Variants in NPSR1 observed in about 807,000 individuals in gnomAD.
The protein encoded by NPSR1 is neuropeptide S receptor.
In NPSR1, 48 loss-of-function variants were observed where a neutral mutation model predicts 46.9. That is an observed-to-expected ratio of 1.02 (90% CI 0.81 to 1.30). NPSR1 has a LOEUF of 1.30. Ranked by LOEUF, NPSR1 falls within the 50% of genes most tolerant of loss-of-function variation. The pLI, the probability that NPSR1 is intolerant of heterozygous loss-of-function variation, is 0.00. For missense variants in NPSR1, 450 were observed against 449.5 expected, an observed-to-expected ratio of 1.00 and a Z score of -0.01; for synonymous variants, 176 against 168.1, an observed-to-expected ratio of 1.05 and a Z score of -0.36.
chr7:34,700,200 G>A (rs1048300454), intron 2 of NPSR1, among the ~76,000 whole-genome samples: 2 of 152,118 alleles, frequency 1.3e-5, no homozygotes, highest in South Asian at 2.1e-4. Context: ...CGGATGTAAC[G>A]AGAGCACCAG....
intron 1 of NPSR1, among the ~76,000 whole-genome samples, chr7:34,681,936 C>T (rs577648175): frequency 6.6e-6 from 1 of 152,200 alleles, no homozygotes; most frequent in East Asian, 1.9e-4. Context: ...ACTATCCAAC[C>T]AAAGACACTT....
chr7:34,827,298 C>T (rs1789901324), intron 4 of NPSR1, 103 bp from the exon 5 acceptor site: 2 of 891,832 alleles, frequency 2.2e-6, no homozygotes, highest in African/African-American at 1.6e-5. Flanking sequence ...TCTTTGAGGT[C>T]CAGGGTGGCT....
chr7:34,874,696 G>A (rs776418438), intron 8 of NPSR1, among the ~76,000 whole-genome samples: 29 of 152,218 alleles, frequency 1.9e-4, no homozygotes, highest in Non-Finnish European at 7.4e-5. Flanking sequence ...GGTGAATGAG[G>A]GAGGAAGGGA....
At chr7:34,666,263 G>T (rs1267122560) in intron 1 of NPSR1, among the ~76,000 whole-genome samples, 1 of 147,670 alleles carries the variant, frequency 6.8e-6, no homozygotes, top group Admixed American at 6.7e-5. Flanking sequence ...GCCTGGAAAA[G>T]GGAAAGGAAA....
intron 4 of NPSR1, among the ~76,000 whole-genome samples, chr7:34,820,825 G>C (rs1584094350): frequency 6.6e-6 from 1 of 152,186 alleles, no homozygotes; most frequent in East Asian, 1.9e-4. Flanking sequence ...CAACAAAAAG[G>C]AATGTCTGAG....
intron 2 of NPSR1, among the ~76,000 whole-genome samples, chr7:34,685,162 A>G (rs1413820290): frequency 5.3e-5 from 8 of 152,234 alleles, no homozygotes. Flanking sequence ...TGGGGGTAGT[A>G]TAATGAAGTA....
chr7:34,856,871 T>G (rs566149520), intron 8 of NPSR1, among the ~76,000 whole-genome samples: 1 of 151,448 alleles, frequency 6.6e-6, no homozygotes, highest in African/African-American at 2.4e-5. Context: ...TTGTTCTCCC[T>G]GGTAAGAGAA....
At position 34,869,436 on chromosome 7, in the gene NPSR1, T is replaced by TA. The variant is rs766861130; in HGVS notation, c.1026-8638dup. ...CCCACACACCCTCTTCTATCAGACATAATGAACTACTGCTAGGATTATTGC... is the reference window on the plus strand; with the variant it reads ...CCCACACACCCTCTTCTATCAGACATAAATGAACTACTGCTAGGATTATTGC... On this transcript the variant is annotated intron_variant, in intron 8 of 8. Coordinates refer to the NPSR1 transcript ENST00000359791. Among the ~76,000 whole-genome samples the TA allele has an allele frequency of 5.9e-5, 9 of 151,838 alleles. No homozygotes were observed. The South Asian group carries it at 1.9e-3, about 31-fold the overall frequency.
chr7:34,684,697 G>A lies in NPSR1; in HGVS notation c.280+13G>A. 1 of 1,596,674 alleles carries A rather than the reference G, an allele frequency of 6.3e-7. No homozygotes were observed. The stretch of plus-strand genomic sequence containing the variant: ...CTGGCCATCACAGGTAAGTAACTAT[G>A]CAAGTGAGAGGCAGGAAGCTATATG... On this transcript the variant is annotated intron_variant, in intron 2 of 8. Transcript: ENST00000360581.
chr7:34,814,250 C>T (rs1044692832), intron 4 of NPSR1, among the ~76,000 whole-genome samples: 1 of 152,250 alleles, frequency 6.6e-6, no homozygotes, highest in Non-Finnish European at 1.5e-5. Flanking sequence ...GAGATTCTCT[C>T]CCATGCCTGG....
chr7:34,765,985 C>A (rs1449328988), intron 2 of NPSR1, among the ~76,000 whole-genome samples: 1 of 152,132 alleles, frequency 6.6e-6, no homozygotes, highest in Non-Finnish European at 1.5e-5. Flanking sequence ...ATCTCAGCAC[C>A]ACACAATATA....
chr7:34,742,171 C>CTT (rs61342932), intron 2 of NPSR1, among the ~76,000 whole-genome samples: 18,517 of 145,792 alleles, frequency 0.13, 1,391 homozygotes, highest in Non-Finnish European at 0.17. Flanking sequence ...AATCTCTCTC[C>CTT]TTTTTTTTTT....
At chr7:34,805,337 A>G (rs1359110849) in intron 3 of NPSR1, among the ~76,000 whole-genome samples, 1 of 151,982 alleles carries the variant, frequency 6.6e-6, no homozygotes, top group African/African-American at 2.4e-5. Context: ...CAACAAGTAG[A>G]TTGATGAAAC....
chr7:34,735,902 A>C (rs1784644761), intron 2 of NPSR1, among the ~76,000 whole-genome samples: 1 of 152,208 alleles, frequency 6.6e-6, no homozygotes, highest in African/African-American at 2.4e-5. Context: ...AAATTGTAAT[A>C]GTATAAAAAA....
intron 1 of NPSR1, among the ~76,000 whole-genome samples, chr7:34,663,955 A>G (rs1791603987): frequency 6.6e-6 from 1 of 152,244 alleles, no homozygotes; most frequent in Non-Finnish European, 1.5e-5. Flanking sequence ...TGGACAGTGT[A>G]TCAAAGAAGT....
chr7:34,858,776 G>A (rs1161624378), intron 8 of NPSR1, among the ~76,000 whole-genome samples: 2 of 151,686 alleles, frequency 1.3e-5, no homozygotes, highest in Non-Finnish European at 2.9e-5. Context: ...GAACAGCACA[G>A]GAAAGACCTG....
chr7:34,804,818 T>C lies in NPSR1; in HGVS notation c.385-6952T>C, dbSNP rs565946200. On this transcript the variant is annotated intron_variant, in intron 3 of 8. Transcript: ENST00000360581. ...AATAAAAACAAACAAAAAAGAAACTTCCAGACCTAGTAGGCAAAAAAATGG... is the reference window on the plus strand; with the variant it reads ...AATAAAAACAAACAAAAAAGAAACTCCCAGACCTAGTAGGCAAAAAAATGG... Among the ~76,000 whole-genome samples, 6 of 151,886 alleles carry C rather than the reference T, an allele frequency of 4.0e-5. No individual in the cohort carries two copies. In the South Asian group the frequency reaches 1.0e-3, roughly 26 times the overall value.
chr7:34,691,299 C>T lies in NPSR1; in HGVS notation c.280+6615C>T, dbSNP rs139169570. Among the ~76,000 whole-genome samples the T allele has an allele frequency of 3.3e-4, 51 of 152,292 alleles. No homozygotes were observed. In the East Asian group the frequency reaches 9.8e-3, roughly 29 times the overall value. On this transcript the variant is annotated intron_variant, in intron 2 of 8. Transcript: ENST00000360581. ...ACACACAGATACAAAGCTCACAGAT[C>T]CTGTAAACCAACAACACAATTGAAA...
At chr7:34,791,157 A>ATATATTATATATAATATGTTATATG (rs1562731190) in intron 3 of NPSR1, among the ~76,000 whole-genome samples, 1,855 of 122,418 alleles carry the variant, frequency 0.015, 67 homozygotes, top group Non-Finnish European at 0.024. Flanking sequence ...TATGTTATAT[A>ATATATTATATATAATATGTTATATG]TTATATATGT....
Sources: allele counts gnomAD v4.1 joint callset (sites outside exome capture counted in the v4.1 genomes callset), GRCh38; gene constraint gnomAD v4.1.1; transcripts MANE v1.5; gene names NCBI Gene and HGNC (gene_info 2026-07-23, HGNC 2026-07-21).